The following CELSR1 variants were observed in gnomAD, a reference collection of about 807,000 sequenced individuals.
CELSR1 encodes adhesion G protein-coupled receptor C1.
In CELSR1, 110 loss-of-function variants were observed where a neutral mutation model predicts 249.1. The observed-to-expected ratio is 0.44, with a 90% CI of 0.38 to 0.52. The LOEUF is 0.52. Among genes scored for constraint, CELSR1 ranks in the 20% least tolerant of loss-of-function variants. The pLI is 0.00. For synonymous variants in CELSR1, 2,113 were observed against 1,900.0 expected (o/e 1.11, Z -2.92); for missense variants, 4,109 against 4,296.4 (o/e 0.96, Z 1.22).
At chr22:46,489,823 A>T (rs1344585476) in intron 1 of CELSR1, among the ~76,000 whole-genome samples, 1 of 151,402 alleles carries the variant, frequency 6.6e-6, no homozygotes, top group African/African-American at 2.4e-5. Context: ...TGAACCCGGG[A>T]GACAGAGGTT....
Position 46,434,676 on chromosome 22 carries a change from G to A in CELSR1, c.4523-1195C>T. 6.6e-6 allele frequency among the ~76,000 whole-genome samples: 1 copy of A among 152,310 alleles called. No homozygotes were observed. The highest frequency in any genetic ancestry group is 1.9e-4 in the East Asian group (1 of 5,184). On this transcript the variant is annotated intron_variant, in intron 4 of 34. Transcript: ENST00000674500. The surrounding 1 kb of genome is among the most constrained non-coding windows in gnomAD (Gnocchi z 4.9). ...TCTTGGTGAACTTCCAGGTGAAGGA[G>A]GAGATGGCAGAATTCACTCCTGAAA...
chr22:46,441,095 G>A lies in CELSR1; in HGVS notation c.4184-1684C>T, dbSNP rs2079741636. ...TTCAACCCGGGAGGCGGAGGTTGTAGCGAGCCGAGGTCACACTACCGCACT... is the reference window on the plus strand; with the variant it reads ...TTCAACCCGGGAGGCGGAGGTTGTAACGAGCCGAGGTCACACTACCGCACT... On this transcript the variant is annotated intron_variant, in intron 2 of 34. Coordinates refer to ENST00000674500, the MANE Select transcript of CELSR1 (RefSeq NM_001378328.1). This position sits in a 1 kb window ranked among gnomAD's most constrained non-coding sequence, Gnocchi z 6.1. Among the ~76,000 whole-genome samples, 2 of 151,474 alleles carry A rather than the reference G, an allele frequency of 1.3e-5. No individual in the cohort carries two copies. Among genetic ancestry groups the A allele is most frequent in the African/African-American group, 4.9e-5 (2 of 41,140 alleles).
rs1336215749 is a variant in CELSR1 at position 46,423,260 on chromosome 22, C to CTTCT, written c.4611+10132_4611+10133insAGAA. On this transcript the variant is annotated intron_variant, in intron 5 of 34. Coordinates refer to ENST00000674500, the MANE Select transcript of CELSR1 (RefSeq NM_001378328.1). The surrounding 1 kb of genome is among the most constrained non-coding windows in gnomAD (Gnocchi z 5.6). ...ACAGCCCTGGCTGAATCGCATAGAC[C>CTTCT]AGAAGAACCAGCAGCCAAACCACTG... Among the ~76,000 whole-genome samples the CTTCT allele has an allele frequency of 3.9e-5, 6 of 152,206 alleles. No individual in the cohort carries two copies. Among genetic ancestry groups the CTTCT allele is most frequent in the Non-Finnish European group, 8.8e-5 (6 of 68,036 alleles).
chr22:46,486,229 G>A (rs964609424), intron 1 of CELSR1, among the ~76,000 whole-genome samples: 1 of 146,874 alleles, frequency 6.8e-6, no homozygotes, highest in Non-Finnish European at 1.5e-5. Context: ...GTGAGCCACC[G>A]CGCCCGGCCT....
chr22:46,491,244 A>T (rs1376185305), intron 1 of CELSR1, among the ~76,000 whole-genome samples: 1 of 150,186 alleles, frequency 6.7e-6, no homozygotes. Context: ...ATACTAAAGA[A>T]ATCTAGCCAG....
intron 1 of CELSR1, among the ~76,000 whole-genome samples, chr22:46,516,096 C>G (rs980249044): frequency 7.2e-5 from 11 of 152,158 alleles, no homozygotes; most frequent in Non-Finnish European, 1.3e-4. Context: ...ACCCAGCCAT[C>G]CCATTACTGG....
chr22:46,463,315 A>G (rs773154142), intron 2 of CELSR1, among the ~76,000 whole-genome samples: 1 of 152,216 alleles, frequency 6.6e-6, no homozygotes, highest in Non-Finnish European at 1.5e-5. Context: ...CAGGAGATCA[A>G]GACCAGCCTG....
In CELSR1 at chr22:46,437,788, G is replaced by A. The variant is rs1002233032; in HGVS notation, c.4406+1401C>T. Among the ~76,000 whole-genome samples, 10 of 151,182 alleles carry A rather than the reference G, an allele frequency of 6.6e-5. No homozygotes were observed. Among genetic ancestry groups the A allele is most frequent in the Admixed American group, 1.3e-4 (2 of 15,146 alleles). ...AAAAAACTGATGGTTCCCAACTGTC[G>A]CCCAAACCCCCTCTCTTTAGAATGC... On this transcript the variant is annotated intron_variant, in intron 3 of 34. Coordinates refer to ENST00000674500, the MANE Select transcript of CELSR1 (RefSeq NM_001378328.1). The surrounding 1 kb of genome is among the most constrained non-coding windows in gnomAD (Gnocchi z 4.9).
intron 26 of CELSR1, 31 bp from the exon 27 acceptor site, chr22:46,369,289 C>T (rs778835020): frequency 3.7e-5 from 2 of 53,982 alleles, no homozygotes; most frequent in Admixed American, 5.9e-4. Context: ...TCAATGTCTT[C>T]TCTCTCGTCA....
At chr22:46,388,677 A>G (rs1333198763) in intron 18 of CELSR1, among the ~76,000 whole-genome samples, 4 of 152,192 alleles carry the variant, frequency 2.6e-5, no homozygotes, top group African/African-American at 9.7e-5. Context: ...GCCACAACGA[A>G]ACTTCTGGAG....
intron 25 of CELSR1, among the ~76,000 whole-genome samples, chr22:46,371,610 C>G (rs1188488348): frequency 6.6e-6 from 1 of 151,720 alleles, no homozygotes; most frequent in Non-Finnish European, 1.5e-5. Context: ...CATCCATTAG[C>G]TACCAATCCA....
At chr22:46,470,254 C>T (rs538413232) in intron 1 of CELSR1, among the ~76,000 whole-genome samples, 2 of 151,714 alleles carry the variant, frequency 1.3e-5, no homozygotes, top group African/African-American at 4.8e-5. Context: ...AAAGGCCACA[C>T]TGATTTTAAC....
chr22:46,505,321 G>GCAAT (rs763249338), intron 1 of CELSR1, among the ~76,000 whole-genome samples: 3 of 149,356 alleles, frequency 2.0e-5, no homozygotes, highest in East Asian at 4.0e-4. Context: ...CGCAAGGTCT[G>GCAAT]CAATCAAACA....
At chr22:46,477,827 G>T (rs1260514634) in intron 1 of CELSR1, among the ~76,000 whole-genome samples, 1 of 151,980 alleles carries the variant, frequency 6.6e-6, no homozygotes, top group African/African-American at 2.4e-5. Flanking sequence ...AAGATAAGAA[G>T]AAAAAGGAGG....
At position 46,364,026 on chromosome 22, in the gene CELSR1, C is replaced by G. The variant is rs562264673; in HGVS notation, c.9005G>C (p.Gly3002Ala). The G allele has an allele frequency of 5.6e-6, 9 of 1,610,472 alleles. No homozygotes were observed. The African/African-American group carries it at 9.3e-5, about 17-fold the overall frequency. ...LNGVAMNVRT[G>A]SAQADGSDSE... is the part of the protein sequence containing the mutation. ...GTCGGAGCCATCGGCCTGGGCGCTC[C>G]CAGTGCGCACATTCATGGCCACCCC... Residue 3002 changes from glycine (G) to alanine (A), a missense_variant, in exon 34 of 35, where the codon GGG becomes GCG. Gly to Ala is a moderately conservative substitution (Grantham distance 60). Coordinates refer to ENST00000674500, the MANE Select transcript of CELSR1 (RefSeq NM_001378328.1).
chr22:46,470,241 C>G (rs28549144), intron 1 of CELSR1, among the ~76,000 whole-genome samples: 4 of 151,342 alleles, frequency 2.6e-5, no homozygotes, highest in African/African-American at 9.7e-5. Flanking sequence ...TGGCCCAATA[C>G]GCAAAGGCCA....
At position 46,396,630 on chromosome 22, in the gene CELSR1, G is replaced by A. The variant is rs748563863; in HGVS notation, c.5818C>T (p.His1940Tyr). ...QGYVCECGPS[H>Y]YGPYCENKLD... ...TTGTTCTCACAGTACGGCCCGTAGT[G>A]ACTGGGCCCACACTCGCACACGTAG... Residue 1940 changes from histidine to tyrosine, a missense_variant, in exon 13 of 35, where the codon CAC (histidine) becomes TAC (tyrosine). Physicochemically the swap from His to Tyr is moderately conservative, Grantham distance 83. Transcript: ENST00000674500. The surrounding 1 kb of genome is among the most constrained non-coding windows in gnomAD (Gnocchi z 6.4). 2 of 1,605,874 alleles carry A rather than the reference G, an allele frequency of 1.2e-6. No individual in the cohort carries two copies. The highest frequency in any genetic ancestry group is 1.3e-5 in the African/African-American group (1 of 74,908).
Position 46,448,390 on chromosome 22 carries a change from G to C in CELSR1, c.4184-8979C>G, listed in dbSNP as rs193227430. Among the ~76,000 whole-genome samples, 65 of 152,250 alleles carry C rather than the reference G, an allele frequency of 4.3e-4. No individual in the cohort carries two copies. The highest frequency in any genetic ancestry group is 6.8e-3 in the Middle Eastern group (2 of 294). On this transcript the variant is annotated intron_variant, in intron 2 of 34. Transcript: ENST00000674500. This position sits in a 1 kb window ranked among gnomAD's most constrained non-coding sequence, Gnocchi z 5.7. ...CTGCTCCAGGAGCTAGGAGAAGAGAGATGCAGGGTCTCAGGGCTCACCTAG... is the reference window on the plus strand; with the variant it reads ...CTGCTCCAGGAGCTAGGAGAAGAGACATGCAGGGTCTCAGGGCTCACCTAG...
Position 46,427,023 on chromosome 22 carries a change from C to G in CELSR1, c.4611+6370G>C, listed in dbSNP as rs2079545177. ...AGAGCAGAGCAAACGCAGCAGTGCT[C>G]CAGTGAAGTTCATGGCTTCCAATAG... is the stretch of plus-strand genomic sequence containing the variant. On this transcript the variant is annotated intron_variant, in intron 5 of 34. Transcript: ENST00000674500. This position sits in a 1 kb window ranked among gnomAD's most constrained non-coding sequence, Gnocchi z 4.2. Among the ~76,000 whole-genome samples, 1 of 152,136 alleles carries G rather than the reference C, an allele frequency of 6.6e-6. No individual in the cohort carries two copies. The highest frequency in any genetic ancestry group is 2.4e-5 in the African/African-American group (1 of 41,416).
Sources: allele counts gnomAD v4.1 joint callset (sites outside exome capture counted in the v4.1 genomes callset), GRCh38; gene constraint gnomAD v4.1.1; non-coding constraint Gnocchi (gnomAD v3.1); transcripts MANE v1.5; gene names NCBI Gene and HGNC (gene_info 2026-07-23, HGNC 2026-07-21).